The following AP4E1 variants were observed in gnomAD, a reference collection of about 807,000 sequenced individuals.
The protein encoded by AP4E1 is adaptor related protein complex 4 subunit epsilon 1, also known as AP-4 complex subunit epsilon-1.
AP4E1 carries 56 observed loss-of-function variants against 128.2 expected under a neutral mutation model. The observed-to-expected ratio is 0.44, with a 90% confidence interval of 0.35 to 0.55. The LOEUF (loss-of-function observed/expected upper bound fraction) is 0.55. AP4E1 is among the 20% of genes least tolerant of loss of function. The pLI, the probability that AP4E1 is intolerant of heterozygous loss-of-function variation, is 0.00. For missense variants in AP4E1, 1,324 were observed against 1,307.7 expected, an observed-to-expected ratio of 1.01 and a Z score of -0.19; for synonymous variants, 484 against 473.1, an observed-to-expected ratio of 1.02 and a Z score of -0.30.
rs145198088 is a variant in AP4E1, at chr15:50,992,213, A to G, written c.2091-1157A>G. Among the ~76,000 whole-genome samples the G allele has an allele frequency of 6.6e-5, 10 of 152,266 alleles. No individual in the cohort carries two copies. In the East Asian group the frequency reaches 1.5e-3, roughly 23 times the overall value. The stretch of plus-strand genomic sequence containing the variant: ...ATTGTCAGGAATACATAAAATATAT[A>G]TAGATACTAGTCTATGTATTAATTG... On this transcript the variant is annotated intron_variant, in intron 16 of 20. Coordinates refer to ENST00000261842, the MANE Select transcript of AP4E1 (RefSeq NM_007347.5).
At chr15:50,963,696 C>T (rs1424316018) in intron 14 of AP4E1, among the ~76,000 whole-genome samples, 2 of 151,988 alleles carry the variant, frequency 1.3e-5, no homozygotes, top group Non-Finnish European at 2.9e-5. Flanking sequence ...TTGTATATTT[C>T]AAAATAAAGA....
chr15:50,953,803 G>GT (rs1380779116), intron 13 of AP4E1, among the ~76,000 whole-genome samples: 6 of 152,164 alleles, frequency 3.9e-5, no homozygotes, highest in Non-Finnish European at 8.8e-5. Flanking sequence ...AAGTTCTACA[G>GT]TAAGAAGGGA....
chr15:50,969,256 G>A (rs1042224937), intron 15 of AP4E1, among the ~76,000 whole-genome samples: 18 of 152,056 alleles, frequency 1.2e-4, no homozygotes, highest in African/African-American at 3.9e-4. Flanking sequence ...GAGAACATGC[G>A]GTATTTGGCT....
chr15:50,910,418 G>C (rs903797577), intron 1 of AP4E1, among the ~76,000 whole-genome samples: 1 of 152,240 alleles, frequency 6.6e-6, no homozygotes, highest in Non-Finnish European at 1.5e-5. Context: ...TTATGTGTTA[G>C]ACACAGGAAA....
chr15:50,915,734 G>A, intron 3 of AP4E1, 163 bp downstream of exon 3: 1 of 872,640 alleles, frequency 1.1e-6, no homozygotes, highest in African/African-American at 1.7e-5. Flanking sequence ...GCCATTTATA[G>A]GAAATCAGTT....
intron 8 of AP4E1, 37 bp downstream of exon 8, chr15:50,934,734 T>A: frequency 2.9e-6 from 4 of 1,362,530 alleles, no homozygotes; most frequent in South Asian, 1.2e-5. Context: ...TAATGACTAA[T>A]AATGTTTTTT....
rs148802645 is a variant in AP4E1, at chr15:50,945,833, C to T, written c.1177-2187C>T. ...CATCATCCTGATATAAAATGTATAG[C>T]TTGTCATTGACATCTACCAAAATCT... On this transcript the variant is annotated intron_variant, in intron 10 of 20. Transcript: ENST00000261842. 2.4e-4 allele frequency: 191 copies of T among 782,240 alleles called. 2 individuals carry two copies. The East Asian group carries it at 4.5e-3, about 19-fold the overall frequency. The allele number at this position is 782,240 out of a possible 1,614,324, so 48.5% of individuals were successfully genotyped here. A position where few individuals can be genotyped will look rare whatever the true frequency, so the allele number is the denominator to read the frequency against.
At chr15:50,961,399 A>G (rs1446119178) in intron 14 of AP4E1, among the ~76,000 whole-genome samples, 16 of 152,062 alleles carry the variant, frequency 1.1e-4, no homozygotes, top group Non-Finnish European at 2.9e-5. Context: ...CACCAAAAAG[A>G]TAATACACTA....
chr15:50,928,050 T>G (rs2063788995), intron 5 of AP4E1, among the ~76,000 whole-genome samples: 3 of 152,208 alleles, frequency 2.0e-5, no homozygotes, highest in Admixed American at 2.0e-4. Flanking sequence ...CTAGATGTTA[T>G]CTGCTACAGA....
chr15:50,999,172 A>G lies in AP4E1; in HGVS notation c.3005A>G (p.Asn1002Ser), dbSNP rs1440541107. 6.2e-7 allele frequency: 1 copy of G among 1,613,878 alleles called. No homozygotes were observed. Among genetic ancestry groups the G allele is most frequent in the South Asian group, 1.1e-5 (1 of 91,062 alleles). Residue 1002 changes from asparagine to serine, a missense_variant, in exon 19 of 21, where the codon AAT becomes AGT. By Grantham distance (46) the Asn-to-Ser change is conservative. Transcript: ENST00000261842. ...VQIEKPFTEGNLTGFISYHMM... is the reference protein window; with the variant it reads ...VQIEKPFTEGSLTGFISYHMM... ...ATAGAAAAACCTTTTACAGAAGGAA[A>G]TCTTACTGGTTTTATTAGTTATCAT...
At chr15:50,997,279 A>G (rs749650588) in intron 17 of AP4E1, 47 bp from the exon 18 acceptor site, 1 of 1,469,330 alleles carries the variant, frequency 6.8e-7, no homozygotes, top group Non-Finnish European at 9.1e-7. Flanking sequence ...AAAACTCATG[A>G]CTAGTAGAAT....
Position 50,993,429 on chromosome 15 carries a change from C to T in AP4E1, c.2150C>T (p.Pro717Leu). ...TTGTGGGGGAAAGAAGGCTATCTTC[C>T]CAAGAAGGAAAGCAAAACTGGTGAT... ...KKLWGKEGYLPKKESKTGDES... is the reference protein window; with the variant it reads ...KKLWGKEGYLLKKESKTGDES... Residue 717 changes from proline (P) to leucine (L), a missense_variant, in exon 17 of 21, where the codon CCC (proline) becomes CTC (leucine). Transcript: ENST00000261842. The T allele has an allele frequency of 6.2e-7, 1 of 1,613,822 alleles. No individual in the cohort carries two copies. Among genetic ancestry groups the T allele is most frequent in the Non-Finnish European group, 8.5e-7 (1 of 1,179,932 alleles).
intron 8 of AP4E1, among the ~76,000 whole-genome samples, chr15:50,938,645 G>A (rs1391981592): frequency 1.3e-5 from 2 of 152,124 alleles, no homozygotes; most frequent in Admixed American, 1.3e-4. Context: ...CCAGGGTTCG[G>A]AGGCGTGGGT....
At chr15:50,945,332 A>G (rs2064043955) in intron 10 of AP4E1, 3 of 780,560 alleles carry the variant, frequency 3.8e-6, no homozygotes, top group African/African-American at 1.7e-5. Flanking sequence ...ATAGTACTGT[A>G]CAACATGAGG....
At chr15:50,948,238 A>G in intron 11 of AP4E1, 79 bp downstream of exon 11, 1 of 1,551,320 alleles carries the variant, frequency 6.4e-7, no homozygotes, top group Admixed American at 1.7e-5. Context: ...AGATATGGTC[A>G]CTTGCAAGTC....
rs1017355445 is a variant in AP4E1, at chr15:51,004,846, C to A, written c.*2184C>A. The A allele has an allele frequency of 1.3e-5, 2 of 152,040 alleles. No homozygotes were observed. Among genetic ancestry groups the A allele is most frequent in the Admixed American group, 6.6e-5 (1 of 15,244 alleles). 9.4% of individuals were successfully genotyped at this position (152,040 alleles called of 1,614,324 possible). A position where few individuals can be genotyped will look rare whatever the true frequency, so the allele number is the denominator to read the frequency against. On this transcript the variant is annotated 3_prime_UTR_variant, in exon 21 of 21. Coordinates refer to ENST00000261842, the MANE Select transcript of AP4E1 (RefSeq NM_007347.5). ...AAGTTGTAAATCAGGTGTCCACCAACCTTTATTTTTGCATTGCAGGAGATG... is the reference window on the plus strand; with the variant it reads ...AAGTTGTAAATCAGGTGTCCACCAAACTTTATTTTTGCATTGCAGGAGATG...
chr15:50,939,510 AACTTAT>A (rs1293408748), intron 8 of AP4E1, among the ~76,000 whole-genome samples: 2 of 152,112 alleles, frequency 1.3e-5, no homozygotes, highest in Non-Finnish European at 2.9e-5. Context: ...TTCAATTATG[AACTTAT>A]ACTTAGATAT....
In AP4E1 at chr15:50,941,795, A is replaced by C; in HGVS notation, c.1176+20A>C. ...AGAGAGGTAAACTGGTATTTTGAATAGTATATGTGAAGTGTTAAAATTTTT... is the reference window on the plus strand; with the variant it reads ...AGAGAGGTAAACTGGTATTTTGAATCGTATATGTGAAGTGTTAAAATTTTT... On this transcript the variant is annotated intron_variant, in intron 10 of 20. Transcript: ENST00000261842. 6.3e-7 allele frequency: 1 copy of C among 1,578,184 alleles called. No homozygotes were observed. Among genetic ancestry groups the C allele is most frequent in the Middle Eastern group, 1.7e-4 (1 of 5,992 alleles).
intron 2 of AP4E1, among the ~76,000 whole-genome samples, chr15:50,914,531 G>C (rs534639356): frequency 4.6e-5 from 7 of 151,684 alleles, no homozygotes; most frequent in African/African-American, 1.7e-4. Context: ...TGCACCTGTG[G>C]TCCTGGCTAC....
Sources: allele counts gnomAD v4.1 joint callset (sites outside exome capture counted in the v4.1 genomes callset), GRCh38; gene constraint gnomAD v4.1.1; transcripts MANE v1.5; gene names NCBI Gene and HGNC (gene_info 2026-07-23, HGNC 2026-07-21).